TXNDC17: variants seen among roughly 807,000 people sequenced by gnomAD.
TXNDC17 encodes thioredoxin domain containing 17.
Under a neutral mutation model 16.3 loss-of-function variants are expected in TXNDC17, and 12 were observed. The observed-to-expected ratio is 0.74, with a 90% CI of 0.47 to 1.19. The LOEUF (loss-of-function observed/expected upper bound fraction) is 1.19. Ranked by LOEUF, TXNDC17 falls within the 50% of genes most tolerant of loss-of-function variation. The probability of loss-of-function intolerance (pLI) is 0.00; values close to 1 mark genes in which losing one functional copy is unlikely to be tolerated. For missense variants in TXNDC17, 158 were observed against 149.7 expected (o/e 1.06, Z -0.29); for synonymous variants, 62 against 55.0 (o/e 1.13, Z -0.56).
intron 1 of TXNDC17, 115 bp downstream of exon 1, chr17:6,641,342 A>G: frequency 1.4e-6 from 2 of 1,460,006 alleles, no homozygotes; most frequent in Non-Finnish European, 1.8e-6. Flanking sequence ...CCGCGGAGCA[A>G]TCTGAGCTGT....
At chr17:6,641,927 T>TA in intron 2 of TXNDC17, 93 bp downstream of exon 2, 1 of 1,098,314 alleles carries the variant, frequency 9.1e-7, no homozygotes, top group Non-Finnish European at 1.4e-6. Context: ...CAGTTTGTCT[T>TA]ACAAGGTAAT....
rs773946993 is a variant in TXNDC17, at chr17:6,644,497, C to T, written c.*1478C>T. On this transcript the variant is annotated 3_prime_UTR_variant, in exon 4 of 4. Transcript: ENST00000250101. Reference sequence around the variant, plus strand: ...TTCCCGATGTGTTATTTTGCTGTTGCTGCTCTGCCAAGGCTTGCTGAAGGC... The same window carrying T: ...TTCCCGATGTGTTATTTTGCTGTTGTTGCTCTGCCAAGGCTTGCTGAAGGC... 8 of 1,605,410 alleles carry T rather than the reference C, an allele frequency of 5.0e-6. No homozygotes were observed. The African/African-American group carries it at 1.1e-4, about 22-fold the overall frequency.
intron 1 of TXNDC17, 117 bp downstream of exon 1, chr17:6,641,344 C>T (rs1972659862): frequency 2.4e-5 from 34 of 1,441,894 alleles, no homozygotes; most frequent in Non-Finnish European, 3.2e-5. Context: ...GCGGAGCAAT[C>T]TGAGCTGTCC....
chr17:6,642,073 C>A, intron 2 of TXNDC17, 176 bp from the exon 3 acceptor site: 1 of 660,166 alleles, frequency 1.5e-6, no homozygotes, highest in Non-Finnish European at 2.6e-6. Context: ...ATCTTAGTCA[C>A]ACTTTGAAAC....
Position 6,641,221 on chromosome 17 carries a change from G to A in TXNDC17, c.139G>A (p.Val47Met). The change falls in exon 1 of 4, where the codon GTG (valine) becomes ATG (methionine). Residue 47 changes from valine to methionine, a missense_variant. Physicochemically the swap from Val to Met is conservative, Grantham distance 21. Coordinates refer to ENST00000250101, the MANE Select transcript of TXNDC17 (RefSeq NM_032731.4). Reference protein sequence around the residue: ...AGGKSWCPDCVQAEPVVREGL... With the variant: ...AGGKSWCPDCMQAEPVVREGL... ...GGGGAAAAGCTGGTGCCCCGACTGC[G>A]TGCAGGGTGAGGCCGGGATTCGGGG... 1 of 1,613,466 alleles carries A rather than the reference G, an allele frequency of 6.2e-7. No individual in the cohort carries two copies. Among genetic ancestry groups the A allele is most frequent in the Non-Finnish European group, 8.5e-7 (1 of 1,179,990 alleles).
chr17:6,641,314 A>G, intron 1 of TXNDC17, 87 bp downstream of exon 1: 4 of 1,566,004 alleles, frequency 2.6e-6, no homozygotes, highest in Non-Finnish European at 3.5e-6. Flanking sequence ...GCGGAGGCAG[A>G]GTCTTGGTTC....
At position 6,643,117 on chromosome 17, in the gene TXNDC17, A is replaced by T. The variant is rs1972716833; in HGVS notation, c.*98A>T. 1.1e-5 allele frequency: 12 copies of T among 1,118,422 alleles called. No homozygotes were observed. Among genetic ancestry groups the T allele is most frequent in the South Asian group, 5.3e-5 (4 of 75,642 alleles). The allele number at this position is 1,118,422 out of a possible 1,614,324, so 69.3% of individuals were successfully genotyped here. On this transcript the variant is annotated 3_prime_UTR_variant, in exon 4 of 4. Transcript: ENST00000250101. ...ATTCATGTTAGCAATAAATGATGTT[A>T]AAAAAACTGGCATGTGTCTAAACAA... is the stretch of plus-strand genomic sequence containing the variant.
At chr17:6,642,406 C>G (rs1462087906) in intron 3 of TXNDC17, 82 bp downstream of exon 3, 7 of 977,944 alleles carry the variant, frequency 7.2e-6, no homozygotes, top group Admixed American at 2.5e-5. Flanking sequence ...TTGAAAAGAT[C>G]TTGACATTTC....
chr17:6,642,700 C>G (rs1209096698), intron 3 of TXNDC17: 1 of 510,702 alleles, frequency 2.0e-6, no homozygotes, highest in Non-Finnish European at 3.5e-6. Context: ...GGGCACTGGG[C>G]TTGCTGTCTC....
At chr17:6,642,896 A>T in intron 3 of TXNDC17, 55 bp from the exon 4 acceptor site, 1 of 1,350,688 alleles carries the variant, frequency 7.4e-7, no homozygotes, top group Non-Finnish European at 1.1e-6. Flanking sequence ...AACTCATTCC[A>T]CTCCTAATAA....
intron 3 of TXNDC17, chr17:6,642,578 C>CA (rs1972703908): frequency 2.2e-6 from 1 of 465,042 alleles, no homozygotes. Flanking sequence ...AAAACATTTG[C>CA]ATCAACAGTT....
Position 6,644,469 on chromosome 17 carries a change from A to G in TXNDC17, c.*1450A>G. ...GTGCCTCGTTTGTATCCAGTTTTTC[A>G]TTTTCCCGATGTGTTATTTTGCTGT... On this transcript the variant is annotated 3_prime_UTR_variant, in exon 4 of 4. Transcript: ENST00000250101. 6.3e-7 allele frequency: 1 copy of G among 1,590,404 alleles called. No individual in the cohort carries two copies. Among genetic ancestry groups the G allele is most frequent in the Non-Finnish European group, 8.5e-7 (1 of 1,169,972 alleles).
intron 1 of TXNDC17, 192 bp downstream of exon 1, chr17:6,641,419 C>A: frequency 1.3e-6 from 1 of 781,766 alleles, no homozygotes; most frequent in Non-Finnish European, 2.0e-6. Context: ...TACCACCTTA[C>A]CCGGATGATC....
chr17:6,643,048 G>T lies in TXNDC17; in HGVS notation c.*29G>T. On this transcript the variant is annotated 3_prime_UTR_variant, in exon 4 of 4. Coordinates refer to ENST00000250101, the MANE Select transcript of TXNDC17 (RefSeq NM_032731.4). ...TTTAGGATGGCAATCATGTCTTGATGTCCTGATTTGTTCTAGTATCAATAA... is the reference window on the plus strand; with the variant it reads ...TTTAGGATGGCAATCATGTCTTGATTTCCTGATTTGTTCTAGTATCAATAA... 6.4e-7 allele frequency: 1 copy of T among 1,571,094 alleles called. No individual in the cohort carries two copies. Among genetic ancestry groups the T allele is most frequent in the South Asian group, 1.1e-5 (1 of 90,100 alleles).
At chr17:6,641,261 GA>G (rs1188447208) in intron 1 of TXNDC17, 34 bp downstream of exon 1, 1 of 1,610,694 alleles carries the variant, frequency 6.2e-7, no homozygotes. Flanking sequence ...CTGTCCAATG[GA>G]AATGGCAGGA....
chr17:6,643,008 T>C lies in TXNDC17; in HGVS notation c.361T>C (p.Ser121Pro), dbSNP rs768039311. 3 of 1,613,922 alleles carry C rather than the reference T, an allele frequency of 1.9e-6. No homozygotes were observed. The highest frequency in any genetic ancestry group is 2.5e-6 in the Non-Finnish European group (3 of 1,179,894). ...GGCCAACCTGGTGGAAATGTTGTTC[T>C]CTGAAGATTAAGATTTTAGGATGGC... is the stretch of plus-strand genomic sequence containing the variant. The part of the protein sequence containing the change: ...LQANLVEMLF[S>P]ED Residue 121 changes from serine to proline, a missense_variant, in exon 4 of 4, where the codon TCT (serine) becomes CCT (proline). Coordinates refer to ENST00000250101, the MANE Select transcript of TXNDC17 (RefSeq NM_032731.4).
Position 6,641,987 on chromosome 17 carries a change from C to T in TXNDC17, c.227+153C>T, listed in dbSNP as rs1972685751. 2.1e-5 allele frequency: 16 copies of T among 768,416 alleles called. No homozygotes were observed. In the South Asian group the frequency reaches 2.7e-4, roughly 13 times the overall value. The allele number at this position is 768,416 out of a possible 1,614,324, so 47.6% of individuals were successfully genotyped here. A position where few individuals can be genotyped will look rare whatever the true frequency, so the allele number is the denominator to read the frequency against. On this transcript the variant is annotated intron_variant, in intron 2 of 3. Transcript: ENST00000250101. ...GCTATTAAATACAAATTTAAAATGC[C>T]CACCTGAATTAAGTAAGGGTAATTC...
In TXNDC17 at chr17:6,644,193, T is replaced by TA; in HGVS notation, c.*1177dup. On this transcript the variant is annotated 3_prime_UTR_variant, in exon 4 of 4. Coordinates refer to ENST00000250101, the MANE Select transcript of TXNDC17 (RefSeq NM_032731.4). The stretch of plus-strand genomic sequence containing the variant: ...CCATGCCCCAGTGCCTTATTTGGTC[T>TA]AAAGCACCTAACTTTTCCATTCTTA... 1 of 475,666 alleles carries TA rather than the reference T, an allele frequency of 2.1e-6. No individual in the cohort carries two copies. 29.5% of individuals were successfully genotyped at this position (475,666 alleles called of 1,614,324 possible).
rs1972723161 is a variant in TXNDC17 at position 6,643,530 on chromosome 17, CTG to C, written c.*513_*514del. On this transcript the variant is annotated 3_prime_UTR_variant, in exon 4 of 4. Coordinates refer to ENST00000250101, the MANE Select transcript of TXNDC17 (RefSeq NM_032731.4). ...GCACTAGAAGCAGTTTGTTTTGCAG[CTG>C]TCTCAATGTGCTTTACTTGGGATGA... is the stretch of plus-strand genomic sequence containing the variant. 1 of 153,008 alleles carries C rather than the reference CTG, an allele frequency of 6.5e-6. No individual in the cohort carries two copies. Among genetic ancestry groups the C allele is most frequent in the Non-Finnish European group, 1.5e-5 (1 of 68,652 alleles). The allele number at this position is 153,008 out of a possible 1,614,324, so 9.5% of individuals were successfully genotyped here.
Sources: gnomAD v4.1 joint callset for allele counts on GRCh38, gnomAD v4.1.1 for gene constraint, MANE v1.5 for transcripts, NCBI Gene and HGNC (gene_info 2026-07-23, HGNC 2026-07-21) for gene names.